C12orf56: variants seen among roughly 807,000 people sequenced by gnomAD.
The protein encoded by C12orf56 is chromosome 12 open reading frame 56, also known as uncharacterized protein C12orf56.
C12orf56 carries 71 observed loss-of-function variants against 69.9 expected under a neutral mutation model. That is an observed-to-expected ratio of 1.02 (90% confidence interval 0.84 to 1.24). C12orf56 has a LOEUF of 1.24. Ranked by LOEUF, C12orf56 falls within the 50% of genes most tolerant of loss-of-function variation. The pLI is 0.00. For missense variants in C12orf56, 732 were observed against 738.5 expected, an observed-to-expected ratio of 0.99 and a Z score of 0.10; for synonymous variants, 276 against 274.1, an observed-to-expected ratio of 1.01 and a Z score of -0.07.
chr12:64,377,344 AC>A (rs927234609), intron 1 of C12orf56, among the ~76,000 whole-genome samples: 3 of 150,752 alleles, frequency 2.0e-5, no homozygotes, highest in African/African-American at 7.3e-5. Flanking sequence ...CAAGTGCACC[AC>A]CCCCAGCTAA....
intron 2 of C12orf56, among the ~76,000 whole-genome samples, chr12:64,332,381 T>C (rs2038943088): frequency 6.7e-6 from 1 of 149,536 alleles, no homozygotes; most frequent in Non-Finnish European, 1.5e-5. Context: ...ACCCTAAAAA[T>C]GTGTTCACAT....
At chr12:64,390,014 G>A (rs1367556296) in intron 1 of C12orf56, among the ~76,000 whole-genome samples, 1 of 152,106 alleles carries the variant, frequency 6.6e-6, no homozygotes, top group East Asian at 1.9e-4. Context: ...GTTAACAAAG[G>A]AATGACTTTA....
At chr12:64,345,546 C>T (rs1215164110) in intron 2 of C12orf56, among the ~76,000 whole-genome samples, 4 of 152,170 alleles carry the variant, frequency 2.6e-5, no homozygotes, top group Admixed American at 6.5e-5. Flanking sequence ...ACAGTAGACA[C>T]CTGGTGAAGC....
intron 3 of C12orf56, among the ~76,000 whole-genome samples, chr12:64,325,434 A>G (rs1177696125): frequency 6.6e-6 from 1 of 152,164 alleles, no homozygotes; most frequent in Non-Finnish European, 1.5e-5. Context: ...TAACTTTCTG[A>G]TAAGTAAATT....
intron 1 of C12orf56, chr12:64,389,430 T>C (rs1393044041): frequency 1.3e-5 from 2 of 152,230 alleles, no homozygotes; most frequent in African/African-American, 4.8e-5. Flanking sequence ...CCGCCTGAGA[T>C]TGCCAAGCGT....
intron 1 of C12orf56, among the ~76,000 whole-genome samples, chr12:64,370,356 A>C (rs564934745): frequency 9.3e-4 from 140 of 150,398 alleles, no homozygotes; most frequent in African/African-American, 1.6e-3. Context: ...GCGCCCCCCC[A>C]AAAAAAAAGA....
At chr12:64,368,520 A>G (rs955302953) in intron 1 of C12orf56, among the ~76,000 whole-genome samples, 47 of 152,162 alleles carry the variant, frequency 3.1e-4, no homozygotes, top group Non-Finnish European at 7.4e-5. Flanking sequence ...ACACAAAATA[A>G]TGTACACAGG....
intron 2 of C12orf56, among the ~76,000 whole-genome samples, chr12:64,340,798 C>G (rs1044638819): frequency 1.3e-5 from 2 of 152,202 alleles, no homozygotes; most frequent in Non-Finnish European, 2.9e-5. Context: ...ACTACCCATT[C>G]TGTATTCTTT....
At chr12:64,268,884 C>T (rs2037945212) in intron 12 of C12orf56, among the ~76,000 whole-genome samples, 1 of 152,010 alleles carries the variant, frequency 6.6e-6, no homozygotes, top group African/African-American at 2.4e-5. Flanking sequence ...ACCTGTAATC[C>T]TAGCACTTTA....
intron 1 of C12orf56, among the ~76,000 whole-genome samples, chr12:64,364,332 T>C (rs1318619936): frequency 2.6e-5 from 4 of 152,170 alleles, no homozygotes; most frequent in Non-Finnish European, 5.9e-5. Context: ...AAAAAGTGTT[T>C]TTGCATGTCT....
chr12:64,312,571 T>G, intron 5 of C12orf56, 108 bp downstream of exon 5: 1 of 800,072 alleles, frequency 1.2e-6, no homozygotes. Context: ...ACTGTGCCAC[T>G]GCACTCCAGC....
At chr12:64,375,139 C>A (rs2039624376) in intron 1 of C12orf56, among the ~76,000 whole-genome samples, 1 of 151,468 alleles carries the variant, frequency 6.6e-6, no homozygotes, top group Non-Finnish European at 1.5e-5. Flanking sequence ...TTCACTGCAA[C>A]CTCCGCCTCC....
intron 11 of C12orf56, among the ~76,000 whole-genome samples, chr12:64,274,343 G>A (rs542501298): frequency 3.3e-5 from 5 of 152,334 alleles, no homozygotes; most frequent in African/African-American, 1.2e-4. Context: ...GCAGGGCCCT[G>A]TAGGCCATGT....
intron 1 of C12orf56, among the ~76,000 whole-genome samples, chr12:64,378,092 C>T (rs2039665150): frequency 6.6e-6 from 1 of 152,224 alleles, no homozygotes; most frequent in Non-Finnish European, 1.5e-5. Flanking sequence ...AGAACAGCAT[C>T]TAACTGGCAT....
chr12:64,268,070 G>A (rs539535307), intron 12 of C12orf56, among the ~76,000 whole-genome samples: 6 of 152,222 alleles, frequency 3.9e-5, no homozygotes, highest in Admixed American at 2.0e-4. Flanking sequence ...AAATGATTTC[G>A]GATTTTGGAG....
At chr12:64,372,447 T>A (rs1449803268) in intron 1 of C12orf56, among the ~76,000 whole-genome samples, 2 of 152,236 alleles carry the variant, frequency 1.3e-5, no homozygotes, top group Non-Finnish European at 2.9e-5. Context: ...TATTTTAACC[T>A]AAATCTTAAG....
intron 1 of C12orf56, among the ~76,000 whole-genome samples, chr12:64,359,533 A>G (rs2039368110): frequency 6.6e-6 from 1 of 152,188 alleles, no homozygotes; most frequent in Non-Finnish European, 1.5e-5. Flanking sequence ...CTTTCTAAAG[A>G]TCACAGCGTG....
At chr12:64,305,949 T>G (rs1235998015) in intron 5 of C12orf56, among the ~76,000 whole-genome samples, 1 of 152,242 alleles carries the variant, frequency 6.6e-6, no homozygotes, top group Non-Finnish European at 1.5e-5. Context: ...TATTTTGAAA[T>G]TGATTTTCCT....
Position 64,318,664 on chromosome 12 carries a change from T to A in C12orf56, c.805A>T (p.Lys269Ter), listed in dbSNP as rs201295265. ...SPSQSNSNLE[K>*]KESELHLYVI... ...TACAAATGAAGTTCTGACTCCTTTT[T>A]CTCTAAATTTGAGTTGCTCTGTGAA... The change falls in exon 4 of 13, where the codon AAA (lysine) becomes TAA (stop). Residue 269 changes from lysine (K) to a stop codon, truncating the protein, a stop_gained. Coordinates refer to ENST00000543942, the MANE Select transcript of C12orf56 (RefSeq NM_001170633.2). LOFTEE classifies it high-confidence loss of function. The A allele has an allele frequency of 2.3e-4, 352 of 1,537,088 alleles. 1 individual carries two copies. In the African/African-American group the frequency reaches 4.2e-3, roughly 19 times the overall value.
Sources: gnomAD v4.1 joint callset for allele counts (sites outside exome capture counted in the v4.1 genomes callset) on GRCh38, gnomAD v4.1.1 for gene constraint, MANE v1.5 for transcripts, NCBI Gene and HGNC (gene_info 2026-07-23, HGNC 2026-07-21) for gene names.